Variants in MAPK10 observed in about 807,000 individuals in gnomAD.
MAPK10 encodes the protein JNK3 alpha protein kinase.
In MAPK10, 25 loss-of-function variants were observed where a neutral mutation model predicts 59.3. That is an observed-to-expected ratio of 0.42 (90% CI 0.31 to 0.59). The LOEUF (loss-of-function observed/expected upper bound fraction) is 0.59, where lower values mean the gene tolerates loss of function less well. Ranked by LOEUF, MAPK10 falls within the 20% of genes least tolerant of loss-of-function variation. The pLI is 0.15. For synonymous variants in MAPK10, 190 were observed against 200.5 expected (o/e 0.95, Z 0.44); for missense variants, 351 against 568.9 (o/e 0.62, Z 3.90).
At chr4:86,531,744 G>A (rs1010081436) in intron 1 of MAPK10, among the ~76,000 whole-genome samples, 2 of 152,106 alleles carry the variant, frequency 1.3e-5, no homozygotes, top group Admixed American at 1.3e-4. Context: ...CTGACACAAA[G>A]CATCCAGGAT....
At chr4:86,358,783 C>T (rs933331081) in intron 1 of MAPK10, 1 of 152,068 alleles carries the variant, frequency 6.6e-6, no homozygotes, top group Non-Finnish European at 1.5e-5. Context: ...TACATAGATT[C>T]TAACAAATAT....
chr4:86,012,222 T>C lies in MAPK10; in HGVS notation c.*5006A>G, dbSNP rs1281895584. On this transcript the variant is annotated 3_prime_UTR_variant, in exon 14 of 14. Transcript: ENST00000641462. ...GAAGGTCAGTTTTAGAAGAAACCAG[T>C]GTCAAATGAAAACACAGATTTCTAC... is the stretch of plus-strand genomic sequence containing the variant. 1.3e-5 allele frequency: 2 copies of C among 152,156 alleles called. No homozygotes were observed. The highest frequency in any genetic ancestry group is 4.8e-5 in the African/African-American group (2 of 41,440). The allele number at this position is 152,156 out of a possible 1,614,324, so 9.4% of individuals were successfully genotyped here. A position where few individuals can be genotyped will look rare whatever the true frequency, so the allele number is the denominator to read the frequency against.
chr4:86,295,820 T>C (rs998715596), intron 2 of MAPK10, among the ~76,000 whole-genome samples: 6 of 137,092 alleles, frequency 4.4e-5, no homozygotes, highest in Non-Finnish European at 8.2e-5. Context: ...CTCTTACTAA[T>C]ATCCCAAGGG....
chr4:86,103,999 A>G (rs2056069857), intron 5 of MAPK10, among the ~76,000 whole-genome samples: 1 of 152,078 alleles, frequency 6.6e-6, no homozygotes, highest in African/African-American at 2.4e-5. Flanking sequence ...CCAGTAGGAA[A>G]TGAATATAAA....
At chr4:86,034,937 T>C (rs2039899192) in intron 11 of MAPK10, among the ~76,000 whole-genome samples, 1 of 152,064 alleles carries the variant, frequency 6.6e-6, no homozygotes, top group Non-Finnish European at 1.5e-5. Context: ...TGGTGGTGCA[T>C]GTGTTTCTCT....
chr4:86,089,336 T>G, intron 9 of MAPK10: 1 of 1,153,412 alleles, frequency 8.7e-7, no homozygotes, highest in Non-Finnish European at 1.3e-6. Flanking sequence ...AACAAATAAA[T>G]GAAAACACTG....
intron 1 of MAPK10, among the ~76,000 whole-genome samples, chr4:86,506,640 G>A (rs1212816716): frequency 2.6e-5 from 4 of 152,142 alleles, no homozygotes; most frequent in Admixed American, 2.0e-4. Context: ...GAGGAAGGGA[G>A]TCAAGGAAGG....
intron 1 of MAPK10, among the ~76,000 whole-genome samples, chr4:86,586,634 A>T (rs1359790795): frequency 2.0e-5 from 3 of 152,220 alleles, no homozygotes; most frequent in African/African-American, 7.2e-5. Context: ...TTAATAACTA[A>T]AAGTGAGAAT....
At chr4:86,429,377 C>T (rs1747731498) in intron 1 of MAPK10, among the ~76,000 whole-genome samples, 1 of 152,112 alleles carries the variant, frequency 6.6e-6, no homozygotes, top group Admixed American at 6.5e-5. Flanking sequence ...AAAAACATTA[C>T]ATAAATGAAG....
chr4:86,542,078 A>G (rs925040144), intron 1 of MAPK10, among the ~76,000 whole-genome samples: 6 of 152,106 alleles, frequency 3.9e-5, no homozygotes, highest in African/African-American at 1.2e-4. Flanking sequence ...CTATGTTTCC[A>G]AGTTTCCTAT....
intron 9 of MAPK10, among the ~76,000 whole-genome samples, chr4:86,068,277 A>G (rs1022426654): frequency 2.0e-5 from 3 of 152,174 alleles, no homozygotes; most frequent in African/African-American, 7.2e-5. Context: ...ATAAACTTCT[A>G]TATAAATCAT....
intron 3 of MAPK10, among the ~76,000 whole-genome samples, chr4:86,189,102 T>C (rs1042081980): frequency 6.6e-6 from 1 of 152,190 alleles, no homozygotes; most frequent in African/African-American, 2.4e-5. Flanking sequence ...CATTGGTCTA[T>C]GTATTTGTTT....
At chr4:86,450,605 C>A (rs1750590160) in intron 1 of MAPK10, among the ~76,000 whole-genome samples, 1 of 152,088 alleles carries the variant, frequency 6.6e-6, no homozygotes, top group South Asian at 2.1e-4. Flanking sequence ...TAGTGCTTTT[C>A]TTTTTTTAGG....
chr4:86,074,921 C>T (rs889305694), intron 9 of MAPK10, among the ~76,000 whole-genome samples: 4 of 136,076 alleles, frequency 2.9e-5, no homozygotes, highest in Non-Finnish European at 6.3e-5. Context: ...TCTGTATTTC[C>T]TGAATCTGAA....
At chr4:86,320,929 T>G (rs572672291) in intron 2 of MAPK10, among the ~76,000 whole-genome samples, 2 of 152,008 alleles carry the variant, frequency 1.3e-5, no homozygotes, top group African/African-American at 4.8e-5. Context: ...GTGAAGGACA[T>G]GAACAGACAC....
chr4:86,482,648 A>G (rs1196829772), intron 1 of MAPK10, among the ~76,000 whole-genome samples: 2 of 152,188 alleles, frequency 1.3e-5, no homozygotes, highest in African/African-American at 4.8e-5. Context: ...AGAAGCATCT[A>G]TGAATTATGA....
chr4:86,491,066 G>A (rs1163086243), intron 1 of MAPK10, among the ~76,000 whole-genome samples: 1 of 152,142 alleles, frequency 6.6e-6, no homozygotes, highest in East Asian at 1.9e-4. Context: ...ATCTACTGTG[G>A]GCAAAAGTCT....
chr4:86,516,520 A>T (rs1756676364), intron 1 of MAPK10, among the ~76,000 whole-genome samples: 1 of 152,098 alleles, frequency 6.6e-6, no homozygotes, highest in South Asian at 2.1e-4. Context: ...GTGAGCATGG[A>T]ATGTGTTTCC....
intron 9 of MAPK10, chr4:86,080,857 G>C (rs1371513698): frequency 2.6e-5 from 4 of 152,064 alleles, no homozygotes; most frequent in South Asian, 4.2e-4. Flanking sequence ...ATACAAAATT[G>C]AGCTTTAAAT....
Sources: gnomAD v4.1 joint callset for allele counts (sites outside exome capture counted in the v4.1 genomes callset) on GRCh38, gnomAD v4.1.1 for gene constraint, MANE v1.5 for transcripts, NCBI Gene and HGNC (gene_info 2026-07-23, HGNC 2026-07-21) for gene names.